Variants in SGCD observed in about 807,000 individuals in gnomAD.
SGCD encodes delta-sarcoglycan.
A neutral mutation model predicts 36.6 loss-of-function variants in SGCD; 18 were observed. That is an observed-to-expected ratio of 0.49 (90% CI 0.34 to 0.73). The LOEUF (loss-of-function observed/expected upper bound fraction) is 0.73. SGCD is among the 30% of genes least tolerant of loss of function. SGCD has a pLI of 0.01. For missense variants in SGCD, 387 were observed against 346.7 expected (o/e 1.12, Z -0.92); for synonymous variants, 133 against 130.6 (o/e 1.02, Z -0.12).
intron 1 of SGCD, among the ~76,000 whole-genome samples, chr5:155,905,773 G>A (rs1052422244): frequency 6.6e-6 from 1 of 151,978 alleles, no homozygotes; most frequent in Admixed American, 6.6e-5. Flanking sequence ...TTTATCAGGG[G>A]TTTCTGCTTT....
the SGCD span, among the ~76,000 whole-genome samples, chr5:155,812,287 A>G: frequency 9.2e-5 from 14 of 152,154 alleles, no homozygotes; most frequent in Non-Finnish European, 1.8e-4. Flanking sequence ...AGCTATGAAC[A>G]TCTGCTTTTC....
intron 4 of SGCD, among the ~76,000 whole-genome samples, chr5:156,558,211 C>T (rs1759120976): frequency 1.3e-5 from 2 of 150,438 alleles, no homozygotes; most frequent in African/African-American, 2.5e-5. Context: ...GCCCATTCCA[C>T]CACTTACTAG....
chr5:156,486,078 G>A (rs557408924), intron 3 of SGCD, among the ~76,000 whole-genome samples: 26 of 152,220 alleles, frequency 1.7e-4, no homozygotes, highest in African/African-American at 5.8e-4. Flanking sequence ...ACTGTAGCAT[G>A]ATGCCATTTT....
chr5:156,517,499 A>G lies in SGCD; in HGVS notation c.294+8797A>G, dbSNP rs200399967. On this transcript the variant is annotated intron_variant, in intron 4 of 8. Transcript: ENST00000337851. ...TTCAGGAAATCCAGAGAACCCCAGT[A>G]AGATATTCCATGAGAAGATCAACCC... 8.5e-5 allele frequency among the ~76,000 whole-genome samples: 13 copies of G among 152,164 alleles called. No homozygotes were observed. The East Asian group carries it at 2.1e-3, about 25-fold the overall frequency.
At chr5:156,620,615 G>C (rs1302325853) in intron 6 of SGCD, among the ~76,000 whole-genome samples, 3 of 152,134 alleles carry the variant, frequency 2.0e-5, no homozygotes, top group African/African-American at 7.2e-5. Context: ...GATGGGGACA[G>C]AGTTTGACTT....
chr5:156,047,419 G>T (rs942732261), intron 1 of SGCD, among the ~76,000 whole-genome samples: 4 of 152,126 alleles, frequency 2.6e-5, no homozygotes, highest in African/African-American at 4.8e-5. Context: ...TGGCCTCATT[G>T]CTTCAAAAAA....
At chr5:156,203,640 T>G (rs922846853) in intron 3 of SGCD, among the ~76,000 whole-genome samples, 1 of 152,158 alleles carries the variant, frequency 6.6e-6, no homozygotes, top group Non-Finnish European at 1.5e-5. Context: ...CGTGTCTGAT[T>G]TGTAAAGTCC....
intron 3 of SGCD, among the ~76,000 whole-genome samples, chr5:156,217,009 C>T (rs1221337167): frequency 4.6e-5 from 7 of 151,996 alleles, no homozygotes; most frequent in Admixed American, 1.3e-4. Flanking sequence ...ACCTGGGAGG[C>T]GGAGGTTGCA....
intron 3 of SGCD, among the ~76,000 whole-genome samples, chr5:156,222,907 T>C (rs941655193): frequency 2.6e-5 from 4 of 152,220 alleles, no homozygotes; most frequent in Non-Finnish European, 4.4e-5. Flanking sequence ...CTGTCAAAAA[T>C]GTTTTACTGA....
At chr5:156,474,966 C>A (rs544239301) in intron 3 of SGCD, among the ~76,000 whole-genome samples, 1 of 152,068 alleles carries the variant, frequency 6.6e-6, no homozygotes, top group Non-Finnish European at 1.5e-5. Flanking sequence ...GTTGTAAAGA[C>A]TAAATGAGCT....
chr5:156,384,379 A>G (rs1580906306), intron 3 of SGCD, among the ~76,000 whole-genome samples: 1 of 152,128 alleles, frequency 6.6e-6, no homozygotes, highest in Non-Finnish European at 1.5e-5. Flanking sequence ...ATGCTTCTGA[A>G]TGATTGTGAA....
At chr5:156,306,043 A>T (rs758523639) in intron 3 of SGCD, among the ~76,000 whole-genome samples, 1 of 152,166 alleles carries the variant, frequency 6.6e-6, no homozygotes, top group Non-Finnish European at 1.5e-5. Context: ...CTTGTCCCAG[A>T]TGAGATGTTT....
intron 7 of SGCD, among the ~76,000 whole-genome samples, chr5:156,700,774 T>C (rs1754496571): frequency 1.3e-5 from 2 of 151,900 alleles, no homozygotes; most frequent in African/African-American, 4.8e-5. Context: ...GGAGACTCCA[T>C]CTCTACAAAA....
intron 3 of SGCD, among the ~76,000 whole-genome samples, chr5:156,292,989 T>C (rs1463954792): frequency 1.3e-5 from 2 of 152,118 alleles, no homozygotes; most frequent in Non-Finnish European, 2.9e-5. Context: ...GTTCTCTCTA[T>C]ATTCTGAATA....
chr5:156,054,353 T>G (rs550501545), intron 1 of SGCD, among the ~76,000 whole-genome samples: 1 of 138,678 alleles, frequency 7.2e-6, no homozygotes, highest in South Asian at 2.3e-4. Flanking sequence ...TGGCGCGATC[T>G]CGGCTCACGG....
chr5:155,807,622 A>G, the SGCD span, among the ~76,000 whole-genome samples: 1 of 152,248 alleles, frequency 6.6e-6, no homozygotes, highest in Non-Finnish European at 1.5e-5. Context: ...GCTTTCTTAG[A>G]TAATTTTGCC....
intron 3 of SGCD, among the ~76,000 whole-genome samples, chr5:156,160,219 G>A (rs980990823): frequency 2.0e-5 from 3 of 151,524 alleles, no homozygotes; most frequent in African/African-American, 7.3e-5. Flanking sequence ...ACATTATTAA[G>A]AGATTATAAT....
chr5:156,024,734 G>A (rs1009814609), intron 1 of SGCD, among the ~76,000 whole-genome samples: 4 of 152,148 alleles, frequency 2.6e-5, no homozygotes, highest in African/African-American at 9.7e-5. Flanking sequence ...GAGATGGGCA[G>A]ATTGCCTGAG....
At chr5:155,976,971 A>C (rs1758128024) in intron 1 of SGCD, among the ~76,000 whole-genome samples, 1 of 151,998 alleles carries the variant, frequency 6.6e-6, no homozygotes, top group African/African-American at 2.4e-5. Context: ...GGATCCCCTT[A>C]CTTCCCTCCC....
Sources: allele counts gnomAD v4.1 joint callset (sites outside exome capture counted in the v4.1 genomes callset), GRCh38; gene constraint gnomAD v4.1.1; transcripts MANE v1.5; gene names NCBI Gene and HGNC (gene_info 2026-07-23, HGNC 2026-07-21).